The following PHF21B variants were observed in gnomAD, a reference collection of about 807,000 sequenced individuals.
The protein encoded by PHF21B is PHD finger protein 21B.
Under a neutral mutation model 62.2 loss-of-function variants are expected in PHF21B, and 22 were observed. The ratio of observed to expected loss-of-function variants is 0.35; its 90% CI spans 0.25 to 0.51. The LOEUF (loss-of-function observed/expected upper bound fraction) is 0.51. Among genes scored for constraint, PHF21B ranks in the 20% least tolerant of loss-of-function variants. The probability of loss-of-function intolerance (pLI) is 0.97; values close to 1 mark genes in which losing one functional copy is unlikely to be tolerated. For synonymous variants in PHF21B, 341 were observed against 314.7 expected, an observed-to-expected ratio of 1.08 and a Z score of -0.88; for missense variants, 701 against 707.9, an observed-to-expected ratio of 0.99 and a Z score of 0.11.
chr22:44,920,568 A>AG, intron 2 of PHF21B, 78 bp from the exon 3 acceptor site: 2 of 1,041,530 alleles, frequency 1.9e-6, no homozygotes, highest in Non-Finnish European at 1.4e-6. Flanking sequence ...CTGGCCAAGC[A>AG]GGGGGCAGCT....
At chr22:45,006,688 A>G (rs148179914) in intron 2 of PHF21B, among the ~76,000 whole-genome samples, 6 of 152,284 alleles carry the variant, frequency 3.9e-5, no homozygotes, top group African/African-American at 1.2e-4. Context: ...GCAGAAACAT[A>G]AAGAGACATT....
At chr22:44,996,737 CACAA>C (rs758530139) in intron 2 of PHF21B, among the ~76,000 whole-genome samples, 23 of 151,742 alleles carry the variant, frequency 1.5e-4, no homozygotes, top group South Asian at 2.1e-4. Flanking sequence ...TGCAAACACA[CACAA>C]ACACCCACAT....
At chr22:44,911,068 T>A (rs1032985824) in intron 5 of PHF21B, among the ~76,000 whole-genome samples, 1 of 152,180 alleles carries the variant, frequency 6.6e-6, no homozygotes, top group African/African-American at 2.4e-5. Context: ...CTGGCGGCAT[T>A]TTGCCTCTGC....
rs1279509330 is a variant in PHF21B at position 44,883,171 on chromosome 22, G to A, written c.1511C>T (p.Pro504Leu). The change falls in exon 13 of 13, where the codon CCT becomes CTT. Residue 504 changes from proline (P) to leucine (L), a missense_variant. Pro to Leu is a moderately conservative substitution (Grantham distance 98). Transcript: ENST00000313237. ...LLQVTMTTTS[P>L]APLLAGPWTK... Reference sequence around the variant, plus strand: ...CCAGGGCCCGGCCAGCAGTGGGGCAGGGCTAGTGGTCGTCATGGTGACCTG... The same window carrying A: ...CCAGGGCCCGGCCAGCAGTGGGGCAAGGCTAGTGGTCGTCATGGTGACCTG... 1 of 1,613,368 alleles carries A rather than the reference G, an allele frequency of 6.2e-7. No individual in the cohort carries two copies. Among genetic ancestry groups the A allele is most frequent in the African/African-American group, 1.3e-5 (1 of 75,036 alleles).
chr22:44,924,010 G>A (rs569668168), intron 2 of PHF21B, among the ~76,000 whole-genome samples: 1 of 131,158 alleles, frequency 7.6e-6, no homozygotes, highest in South Asian at 2.6e-4. Flanking sequence ...GATCCAAGAA[G>A]AAGAAGAAAG....
chr22:44,892,022 C>T (rs1367607139), intron 7 of PHF21B, among the ~76,000 whole-genome samples: 3 of 152,212 alleles, frequency 2.0e-5, no homozygotes, highest in Non-Finnish European at 4.4e-5. Flanking sequence ...CTCAGGGTCA[C>T]GGGGCCTTGG....
chr22:44,996,489 T>C (rs1028492), intron 2 of PHF21B, among the ~76,000 whole-genome samples: 134,009 of 151,842 alleles, frequency 0.88, 59,234 homozygotes, highest in South Asian at 0.96. Flanking sequence ...CACCTAACTT[T>C]CAATCTGTGG....
chr22:44,930,650 G>GGAGGA (rs2071723569), intron 2 of PHF21B, among the ~76,000 whole-genome samples: 1 of 152,204 alleles, frequency 6.6e-6, no homozygotes, highest in African/African-American at 2.4e-5. Context: ...GGACAGTGAA[G>GGAGGA]GAGGAGAGGA....
intron 5 of PHF21B, among the ~76,000 whole-genome samples, chr22:44,904,501 A>C (rs1457226943): frequency 6.6e-6 from 1 of 151,410 alleles, no homozygotes; most frequent in Admixed American, 6.6e-5. Context: ...AAACAACTTA[A>C]CTGAGCTTCC....
intron 5 of PHF21B, among the ~76,000 whole-genome samples, 181 bp downstream of exon 5, chr22:44,913,641 A>T (rs1325231304): frequency 6.6e-6 from 1 of 152,192 alleles, no homozygotes; most frequent in Non-Finnish European, 1.5e-5. Flanking sequence ...CCTGAGATAG[A>T]ACAGTTGAGA....
In PHF21B at chr22:44,891,378, A is replaced by G; in HGVS notation, c.961-18T>C. On this transcript the variant is annotated intron_variant, in intron 7 of 12. Transcript: ENST00000313237. ...CGTTTCCTCTGCAGGGACAGAAAAC[A>G]AAACAACACACCCCATCATCTGGAG... 6.2e-7 allele frequency: 1 copy of G among 1,612,790 alleles called. No homozygotes were observed. Among genetic ancestry groups the G allele is most frequent in the Non-Finnish European group, 8.5e-7 (1 of 1,179,578 alleles).
At chr22:44,916,665 C>CAA (rs1267019321) in intron 3 of PHF21B, 35 bp from the exon 4 acceptor site, 4 of 1,585,688 alleles carry the variant, frequency 2.5e-6, no homozygotes. Flanking sequence ...GTCAGACAGG[C>CAA]AGACACACAG....
intron 5 of PHF21B, among the ~76,000 whole-genome samples, chr22:44,902,677 A>AT (rs1209067869): frequency 6.6e-6 from 1 of 152,036 alleles, no homozygotes; most frequent in African/African-American, 2.4e-5. Context: ...AAATCTGTGT[A>AT]TTTTAGCCAT....
chr22:44,882,890 T>G lies in PHF21B; in HGVS notation c.*196A>C. ...GGCTCCTAGGTACCCCCTGTGAATT[T>G]GGAGGGCACAGGGCCGCACCCCCAC... On this transcript the variant is annotated 3_prime_UTR_variant, in exon 13 of 13. Coordinates refer to ENST00000313237, the MANE Select transcript of PHF21B (RefSeq NM_138415.5). The G allele has an allele frequency of 1.6e-6, 1 of 611,530 alleles. No homozygotes were observed. Among genetic ancestry groups the G allele is most frequent in the Non-Finnish European group, 2.7e-6 (1 of 371,812 alleles). The allele number at this position is 611,530 out of a possible 1,614,324, so 37.9% of individuals were successfully genotyped here.
intron 2 of PHF21B, among the ~76,000 whole-genome samples, chr22:45,000,093 G>A (rs1183798405): frequency 2.0e-5 from 3 of 152,098 alleles, no homozygotes; most frequent in Non-Finnish European, 2.9e-5. Flanking sequence ...TGCCCCAAGC[G>A]GAAGGAGCCG....
chr22:44,894,548 G>A (rs559401683), intron 6 of PHF21B, among the ~76,000 whole-genome samples: 1 of 152,304 alleles, frequency 6.6e-6, no homozygotes, highest in South Asian at 2.1e-4. Context: ...GGCAAGCTGA[G>A]GGCAGCGGGA....
intron 5 of PHF21B, among the ~76,000 whole-genome samples, chr22:44,905,224 G>C (rs560111517): frequency 8.1e-4 from 123 of 152,308 alleles, no homozygotes; most frequent in African/African-American, 2.8e-3. Context: ...GTCCCTGCCT[G>C]CTCCTATTTT....
chr22:44,931,643 G>GC (rs36025635), intron 2 of PHF21B, among the ~76,000 whole-genome samples: 11,676 of 52,732 alleles, frequency 0.22, 487 homozygotes, highest in Middle Eastern at 0.34. Flanking sequence ...GTGATCTTGG[G>GC]GGGGGGGTGT....
intron 2 of PHF21B, among the ~76,000 whole-genome samples, chr22:44,929,565 G>A (rs774368264): frequency 3.2e-4 from 49 of 152,210 alleles, no homozygotes; most frequent in Non-Finnish European, 6.3e-4. Context: ...CAACCCATGT[G>A]CATTTGAATT....
Sources: allele counts gnomAD v4.1 joint callset (sites outside exome capture counted in the v4.1 genomes callset), GRCh38; gene constraint gnomAD v4.1.1; transcripts MANE v1.5; gene names NCBI Gene and HGNC (gene_info 2026-07-23, HGNC 2026-07-21).